The following PHLDB2 variants were observed in gnomAD, a reference collection of about 807,000 sequenced individuals.
PHLDB2 encodes pleckstrin homology-like domain family B member 2.
Under a neutral mutation model 123.6 loss-of-function variants are expected in PHLDB2, and 71 were observed. The ratio of observed to expected loss-of-function variants is 0.57; its 90% CI spans 0.47 to 0.70. The LOEUF is 0.70. PHLDB2 is among the 30% of genes least tolerant of loss of function. The pLI, the probability that PHLDB2 is intolerant of heterozygous loss-of-function variation, is 0.00. For synonymous variants in PHLDB2, 547 were observed against 541.6 expected, an observed-to-expected ratio of 1.01 and a Z score of -0.14; for missense variants, 1,446 against 1,519.5, an observed-to-expected ratio of 0.95 and a Z score of 0.80.
chr3:111,780,399 A>AGAGGAAG lies in PHLDB2; in HGVS notation c.-49+47698_-49+47699insGGAAGGA, dbSNP rs2060407024. ...AAGAAGAAGAAGAAGAAGAAGAAGAAGAAGAAGAAGAAAAAGATTAGTTCG... is the reference window on the plus strand; with the variant it reads ...AAGAAGAAGAAGAAGAAGAAGAAGAAGAGGAAGGAAGAAGAAGAAAAAGATTAGTTCG... On this transcript the variant is annotated intron_variant, in intron 1 of 17. Coordinates refer to the PHLDB2 transcript ENST00000393923. Among the ~76,000 whole-genome samples, 615 of 74,436 alleles carry AGAGGAAG rather than the reference A, an allele frequency of 8.3e-3. 132 individuals are homozygous for AGAGGAAG. The highest frequency in any genetic ancestry group is 0.01 in the Non-Finnish European group (347 of 34,316). The allele number at this position is 74,436 out of a possible 152,430, so 48.8% of individuals were successfully genotyped here. A position where few individuals can be genotyped will look rare whatever the true frequency, so the allele number is the denominator to read the frequency against.
At chr3:111,892,819 T>A (rs2066577740) in intron 2 of PHLDB2, among the ~76,000 whole-genome samples, 1 of 152,186 alleles carries the variant, frequency 6.6e-6, no homozygotes, top group Non-Finnish European at 1.5e-5. Flanking sequence ...GTTTCTAAAA[T>A]TAAGTAAAAG....
rs2062961126 is a variant in PHLDB2, at chr3:111,830,965, GAAAGAAAGAA to G, written c.-48-14854_-48-14845del. 1.3e-3 allele frequency among the ~76,000 whole-genome samples: 62 copies of G among 48,492 alleles called. 4 individuals carry two copies. Among genetic ancestry groups the G allele is most frequent in the African/African-American group, 2.8e-3 (60 of 21,336 alleles). The allele number at this position is 48,492 out of a possible 152,430, so 31.8% of individuals were successfully genotyped here. A position where few individuals can be genotyped will look rare whatever the true frequency, so the allele number is the denominator to read the frequency against. On this transcript the variant is annotated intron_variant, in intron 1 of 17. Coordinates refer to the PHLDB2 transcript ENST00000393923. ...AAGGAAAGAAAGAAAGAGAAAGAAA[GAAAGAAAGAA>G]AGAAAGAAAGAAAGAAAGAAAGAAA...
intron 2 of PHLDB2, among the ~76,000 whole-genome samples, chr3:111,901,508 T>C (rs780840910): frequency 2.1e-5 from 3 of 142,128 alleles, no homozygotes; most frequent in Non-Finnish European, 4.7e-5. Context: ...GGTTTCTTTA[T>C]GCATTAAAAA....
intron 10 of PHLDB2, chr3:111,949,682 C>T (rs1251124410): frequency 3.1e-6 from 3 of 972,104 alleles, no homozygotes; most frequent in African/African-American, 1.8e-5. Context: ...ACATATATAC[C>T]TTTTCTTTCT....
chr3:111,752,028 C>T (rs552264945), intron 1 of PHLDB2, among the ~76,000 whole-genome samples: 1 of 151,950 alleles, frequency 6.6e-6, no homozygotes, highest in Admixed American at 6.6e-5. Flanking sequence ...CTTAGAACAC[C>T]CTGAAGAAAA....
chr3:111,932,333 A>G lies in PHLDB2; in HGVS notation c.2066A>G (p.Gln689Arg). The change falls in exon 6 of 18, where the codon CAG (glutamine) becomes CGG (arginine). Residue 689 changes from glutamine (Q) to arginine (R), a missense_variant. By Grantham distance (43) the Gln-to-Arg change is conservative (BLOSUM62 1). Coordinates refer to ENST00000431670, the MANE Select transcript of PHLDB2 (RefSeq NM_001134438.2). ...LERLQELYSE[Q>R]KTQLDNCPES... ...AGGCTTCAGGAGCTTTACTCCGAGCAGAAGACCCAGCTGGACAATTGTCCT... is the reference window on the plus strand; with the variant it reads ...AGGCTTCAGGAGCTTTACTCCGAGCGGAAGACCCAGCTGGACAATTGTCCT... The G allele has an allele frequency of 6.4e-7, 1 of 1,551,800 alleles. No homozygotes were observed. The highest frequency in any genetic ancestry group is 8.7e-7 in the Non-Finnish European group (1 of 1,146,876).
At chr3:111,921,604 C>CTTTTT (rs368628355) in intron 5 of PHLDB2, among the ~76,000 whole-genome samples, 4 of 132,240 alleles carry the variant, frequency 3.0e-5, no homozygotes, top group Non-Finnish European at 3.1e-5. Context: ...TGCCCCCAGA[C>CTTTTT]TTTTTTTTTT....
intron 16 of PHLDB2, among the ~76,000 whole-genome samples, chr3:111,970,141 G>A (rs1192882031): frequency 6.6e-6 from 1 of 152,022 alleles, no homozygotes; most frequent in East Asian, 1.9e-4. Flanking sequence ...GTGGGAAGTG[G>A]TCTATGTTAC....
chr3:111,884,086 G>A lies in PHLDB2; in HGVS notation c.9G>A (p.Glu3=). 3 of 1,612,752 alleles carry A rather than the reference G, an allele frequency of 1.9e-6. No individual in the cohort carries two copies. Among genetic ancestry groups the A allele is most frequent in the East Asian group, 2.2e-5 (1 of 44,882 alleles). The stretch of plus-strand genomic sequence containing the variant: ...CAGATTCCAGCAAGATTATGGAAGA[G>A]CATAGCTACATACAAAAGGAGCTAG... ME[E]HSYIQKELDL... Residue 3 remains glutamate (E), a synonymous_variant, in exon 2 of 18, where the codon GAG becomes GAA. Coordinates refer to ENST00000431670, the MANE Select transcript of PHLDB2 (RefSeq NM_001134438.2).
chr3:111,819,959 C>T (rs900349356), intron 1 of PHLDB2, among the ~76,000 whole-genome samples: 2 of 152,192 alleles, frequency 1.3e-5, no homozygotes, highest in Non-Finnish European at 2.9e-5. Flanking sequence ...GTCTTGCAGG[C>T]TTTCGTGGTA....
rs566792457 is a variant in PHLDB2 at position 111,922,556 on chromosome 3, C to G, written c.2001+2137C>G. On this transcript the variant is annotated intron_variant, in intron 5 of 17. Transcript: ENST00000431670. ...TGGTCTTAGAAGGTAGGATTATTCT[C>G]TGTCATTACATCATGTGAAAAATGG... Among the ~76,000 whole-genome samples the G allele has an allele frequency of 4.6e-5, 7 of 152,274 alleles. No homozygotes were observed. In the South Asian group the frequency reaches 1.2e-3, roughly 27 times the overall value.
chr3:111,838,991 A>G (rs891473827), intron 1 of PHLDB2, among the ~76,000 whole-genome samples: 5 of 152,214 alleles, frequency 3.3e-5, no homozygotes, highest in African/African-American at 1.2e-4. Context: ...CAAAACTTTT[A>G]TAGTAAAAAT....
At chr3:111,957,656 G>T (rs1397521431) in intron 12 of PHLDB2, 1 of 152,228 alleles carries the variant, frequency 6.6e-6, no homozygotes, top group Admixed American at 6.5e-5. Flanking sequence ...TACAGTCAAA[G>T]GATGAAAGGA....
intron 2 of PHLDB2, among the ~76,000 whole-genome samples, chr3:111,892,787 T>G (rs1327507667): frequency 6.6e-6 from 1 of 152,166 alleles, no homozygotes; most frequent in Non-Finnish European, 1.5e-5. Context: ...TTGTGTACCA[T>G]TGAGCAGATG....
chr3:111,971,918 G>C (rs1161138329), intron 16 of PHLDB2, among the ~76,000 whole-genome samples: 1 of 152,188 alleles, frequency 6.6e-6, no homozygotes, highest in African/African-American at 2.4e-5. Flanking sequence ...CCGAGGCCTA[G>C]AAAATATGTC....
chr3:111,745,283 A>G (rs1286798150), intron 1 of PHLDB2, among the ~76,000 whole-genome samples: 2 of 152,248 alleles, frequency 1.3e-5, no homozygotes, highest in Non-Finnish European at 2.9e-5. Flanking sequence ...TGGAAATGTG[A>G]AAAAACAGAT....
At chr3:111,948,781 G>T (rs762698605) in intron 9 of PHLDB2, 151 bp from the exon 10 acceptor site, 137 of 631,460 alleles carry the variant, frequency 2.2e-4, no homozygotes, top group Non-Finnish European at 3.2e-4. Flanking sequence ...CATTTTAATT[G>T]CTGATTATTC....
chr3:111,801,559 G>A (rs2061379176), intron 1 of PHLDB2, among the ~76,000 whole-genome samples: 1 of 152,176 alleles, frequency 6.6e-6, no homozygotes, highest in African/African-American at 2.4e-5. Flanking sequence ...CCTAGGACAA[G>A]GCTGGTTCAT....
chr3:111,837,978 G>A (rs142905901), intron 1 of PHLDB2, among the ~76,000 whole-genome samples: 15,437 of 152,050 alleles, frequency 0.1, 1,027 homozygotes, highest in South Asian at 0.17. Flanking sequence ...GGAGGTGGAG[G>A]TTGCAGTAAG....
Sources: gnomAD v4.1 joint callset for allele counts (sites outside exome capture counted in the v4.1 genomes callset) on GRCh38, gnomAD v4.1.1 for gene constraint, MANE v1.5 for transcripts, NCBI Gene and HGNC (gene_info 2026-07-23, HGNC 2026-07-21) for gene names.